The following MEAK7 variants were observed in gnomAD, a reference collection of about 807,000 sequenced individuals.
The protein encoded by MEAK7 is MTOR associated protein MEAK7.
MEAK7 carries 68 observed loss-of-function variants against 40.5 expected under a neutral mutation model. The ratio of observed to expected loss-of-function variants is 1.68; its 90% CI spans 1.38 to 2.06. MEAK7 has a LOEUF of 2.06. Ranked by LOEUF, MEAK7 falls within the 30% of genes most tolerant of loss-of-function variation. MEAK7 has a pLI of 0.00. For synonymous variants in MEAK7, 338 were observed against 231.9 expected (o/e 1.46, Z -4.16); for missense variants, 918 against 580.5 (o/e 1.58, Z -5.98).
At chr16:84,501,851 G>C (rs1275520802) in intron 1 of MEAK7, among the ~76,000 whole-genome samples, 1 of 152,180 alleles carries the variant, frequency 6.6e-6, no homozygotes, top group East Asian at 1.9e-4. Flanking sequence ...TGCCAGGCAA[G>C]ATAAAGAAAT....
chr16:84,497,489 A>C, intron 2 of MEAK7: 2 of 1,290,232 alleles, frequency 1.6e-6, no homozygotes, highest in Non-Finnish European at 2.0e-6. Flanking sequence ...GGGCAGACCC[A>C]TCACCGCGTC....
Position 84,489,420 on chromosome 16 carries a change from A to T in MEAK7, c.387T>A (p.Phe129Leu), listed in dbSNP as rs769938410. 8 of 1,608,656 alleles carry T rather than the reference A, an allele frequency of 5.0e-6. No individual in the cohort carries two copies. In the Admixed American group the frequency reaches 8.4e-5, roughly 17 times the overall value. ...GPVKAREVQK[F>L]TEDLVGSVVH... The stretch of plus-strand genomic sequence containing the variant: ...CCACAGAGCCAACCAGATCCTCTGT[A>T]AACTGTAAGATCACAATTTTACCAT... Residue 129 changes from phenylalanine to leucine, a missense_variant and splice_region_variant, in exon 4 of 8, where the codon TTT (phenylalanine) becomes TTA (leucine). Physicochemically the swap from Phe to Leu is conservative, Grantham distance 22 (BLOSUM62 0). Coordinates refer to ENST00000343629, the MANE Select transcript of MEAK7 (RefSeq NM_020947.4).
intron 3 of MEAK7, chr16:84,494,930 C>T (rs1279762464): frequency 4.3e-5 from 18 of 415,980 alleles, no homozygotes; most frequent in Admixed American, 9.1e-5. Flanking sequence ...AAGAAACTGC[C>T]TTTCCCTTTG....
rs575593439 is a variant in MEAK7, at chr16:84,479,584, A to G, written c.*329T>C. ...TCCCTAATGCCAGCGGGGGTCTGAA[A>G]GGTCTCAGCTGCTTAGGATTTCGTT... On this transcript the variant is annotated 3_prime_UTR_variant, in exon 8 of 8. Coordinates refer to ENST00000343629, the MANE Select transcript of MEAK7 (RefSeq NM_020947.4). The G allele has an allele frequency of 9.7e-6, 2 of 206,440 alleles. No homozygotes were observed. Among genetic ancestry groups the G allele is most frequent in the African/African-American group, 4.6e-5 (2 of 43,704 alleles). 12.8% of individuals were successfully genotyped at this position (206,440 alleles called of 1,614,324 possible). A position where few individuals can be genotyped will look rare whatever the true frequency, so the allele number is the denominator to read the frequency against.
At position 84,480,583 on chromosome 16, in the gene MEAK7, G is replaced by C. The variant is rs765094891; in HGVS notation, c.1203C>G (p.Phe401Leu). 2.8e-5 allele frequency: 45 copies of C among 1,614,044 alleles called. No individual in the cohort carries two copies. In the South Asian group the frequency reaches 4.4e-4, roughly 16 times the overall value. The change falls in exon 7 of 8, where the codon TTC (phenylalanine) becomes TTG (leucine). Residue 401 changes from phenylalanine (F) to leucine (L), a missense_variant. Transcript: ENST00000343629. ...CCCACACCTCCATCTTATCAAACTG[G>C]AAGTTCTCCTGAGCCGACAGCTGCG... ...NSPQLSAQEN[F>L]QFDKMEVWAV... is the part of the protein sequence containing the mutation.
At chr16:84,485,225 C>G (rs1052221424) in intron 5 of MEAK7, among the ~76,000 whole-genome samples, 1 of 152,216 alleles carries the variant, frequency 6.6e-6, no homozygotes. Flanking sequence ...AGGGCCGGCC[C>G]TGGGCTGGCA....
rs555360319 is a variant in MEAK7 at position 84,486,368 on chromosome 16, C to T, written c.958+263G>A. On this transcript the variant is annotated intron_variant, in intron 5 of 7. Coordinates refer to ENST00000343629, the MANE Select transcript of MEAK7 (RefSeq NM_020947.4). ...GGAGGCATCTGTGGCTTGACTTCTC[C>T]CACGCCCCATAGACCCGGCACCGTG... 1.9e-4 allele frequency: 209 copies of T among 1,108,026 alleles called. 1 individual carries two copies. In the African/African-American group the frequency reaches 3.1e-3, roughly 17 times the overall value. The allele number at this position is 1,108,026 out of a possible 1,614,324, so 68.6% of individuals were successfully genotyped here.
At chr16:84,491,832 G>A (rs1456412538) in intron 3 of MEAK7, among the ~76,000 whole-genome samples, 8 of 123,364 alleles carry the variant, frequency 6.5e-5, no homozygotes, top group South Asian at 3.1e-4. Context: ...GCAAGACTCC[G>A]TCTCAAAAAA....
intron 3 of MEAK7, among the ~76,000 whole-genome samples, chr16:84,494,575 G>C (rs1211439738): frequency 1.3e-5 from 2 of 152,118 alleles, no homozygotes; most frequent in Admixed American, 6.6e-5. Context: ...TTTCGTACCT[G>C]CCTGCTGATA....
At chr16:84,484,196 C>G (rs1912833070) in intron 5 of MEAK7, among the ~76,000 whole-genome samples, 1 of 152,184 alleles carries the variant, frequency 6.6e-6, no homozygotes, top group Non-Finnish European at 1.5e-5. Flanking sequence ...GGGCTGTTCT[C>G]CATAGGGAAA....
At chr16:84,485,668 A>ACC (rs1912980446) in intron 5 of MEAK7, among the ~76,000 whole-genome samples, 2 of 151,244 alleles carry the variant, frequency 1.3e-5, no homozygotes, top group Middle Eastern at 3.4e-3. Context: ...CCATCCATCT[A>ACC]TCTACCTATC....
In MEAK7 at chr16:84,479,992, G is replaced by A. The variant is rs766052358; in HGVS notation, c.1292C>T (p.Pro431Leu). Residue 431 changes from proline (P) to leucine (L), a missense_variant, in exon 8 of 8, where the codon CCT (proline) becomes CTT (leucine). Coordinates refer to ENST00000343629, the MANE Select transcript of MEAK7 (RefSeq NM_020947.4). ...KGNKSILDAD[P>L]EAQALLEISG... ...GATCTCCAGCAGGGCCTGGGCCTCA[G>A]GGTCCGCATCCAGGATGCTCTTGTT... The A allele has an allele frequency of 1.1e-5, 17 of 1,609,294 alleles. No individual in the cohort carries two copies. In the Admixed American group the frequency reaches 2.8e-4, roughly 27 times the overall value.
At chr16:84,483,303 C>A (rs184908925) in intron 5 of MEAK7, among the ~76,000 whole-genome samples, 169 of 152,330 alleles carry the variant, frequency 1.1e-3, no homozygotes, top group African/African-American at 3.9e-3. Context: ...ACTATGGGTC[C>A]CCAGTCTCAG....
At chr16:84,492,681 A>G (rs1325615432) in intron 3 of MEAK7, among the ~76,000 whole-genome samples, 2 of 152,080 alleles carry the variant, frequency 1.3e-5, no homozygotes, top group Non-Finnish European at 2.9e-5. Flanking sequence ...TCTCGAGTTC[A>G]AGCGATTCTC....
chr16:84,496,438 A>G (rs1710778923), intron 2 of MEAK7, among the ~76,000 whole-genome samples: 1 of 152,084 alleles, frequency 6.6e-6, no homozygotes, highest in Non-Finnish European at 1.5e-5. Flanking sequence ...GTCTCTGTAC[A>G]GGGGAGCCTC....
At chr16:84,481,213 A>G (rs1211484766) in intron 6 of MEAK7, among the ~76,000 whole-genome samples, 1 of 152,188 alleles carries the variant, frequency 6.6e-6, no homozygotes, top group African/African-American at 2.4e-5. Flanking sequence ...CCGGAGGCGG[A>G]TGCGAACCCC....
At chr16:84,482,987 A>C (rs1052060562) in intron 5 of MEAK7, among the ~76,000 whole-genome samples, 1 of 152,194 alleles carries the variant, frequency 6.6e-6, no homozygotes, top group Non-Finnish European at 1.5e-5. Flanking sequence ...TGTCTGCTGG[A>C]ATCAGTTCAG....
intron 6 of MEAK7, among the ~76,000 whole-genome samples, chr16:84,481,795 G>A (rs920969194): frequency 3.3e-5 from 5 of 152,234 alleles, no homozygotes; most frequent in African/African-American, 4.8e-5. Flanking sequence ...TTAGCCAGGC[G>A]TGATAGCGGG....
At chr16:84,488,442 A>T (rs933629704) in intron 4 of MEAK7, 1 of 152,104 alleles carries the variant, frequency 6.6e-6, no homozygotes, top group African/African-American at 2.4e-5. Flanking sequence ...TTTTAATCCC[A>T]ATTAAATTTA....
Sources: gnomAD v4.1 joint callset for allele counts (sites outside exome capture counted in the v4.1 genomes callset) on GRCh38, gnomAD v4.1.1 for gene constraint, MANE v1.5 for transcripts, NCBI Gene and HGNC (gene_info 2026-07-23, HGNC 2026-07-21) for gene names.